The following RPA3 variants were observed in gnomAD, a reference collection of about 807,000 sequenced individuals.
RPA3 encodes replication protein A 14 kDa subunit.
Under a neutral mutation model 13.7 loss-of-function variants are expected in RPA3, and 24 were observed. The ratio of observed to expected loss-of-function variants is 1.75; its 90% CI spans 1.27 to 2.46. RPA3 has a LOEUF of 2.46. RPA3 is among the 30% of genes most tolerant of loss of function. RPA3 has a pLI of 0.00. For missense variants in RPA3, 183 were observed against 151.0 expected, an observed-to-expected ratio of 1.21 and a Z score of -1.11; for synonymous variants, 59 against 51.2, an observed-to-expected ratio of 1.15 and a Z score of -0.65.
chr7:7,677,883 C>T (rs896174140), intron 4 of RPA3, among the ~76,000 whole-genome samples: 3 of 151,284 alleles, frequency 2.0e-5, no homozygotes, highest in Admixed American at 6.6e-5. Flanking sequence ...CCGTTTTAGC[C>T]GGGATGGTCT....
intron 4 of RPA3, among the ~76,000 whole-genome samples, chr7:7,650,304 AC>A (rs1203511469): frequency 2.6e-5 from 4 of 152,136 alleles, no homozygotes; most frequent in African/African-American, 9.7e-5. Flanking sequence ...TAATATTTTT[AC>A]AGCTTCATCA....
chr7:7,674,098 T>C (rs909919093), intron 4 of RPA3, among the ~76,000 whole-genome samples: 1 of 152,220 alleles, frequency 6.6e-6, no homozygotes, highest in Non-Finnish European at 1.5e-5. Flanking sequence ...AGAAATTCTC[T>C]TTCCAAAGTA....
intron 4 of RPA3, among the ~76,000 whole-genome samples, chr7:7,665,259 A>G (rs1779413541): frequency 6.6e-6 from 1 of 152,182 alleles, no homozygotes. Flanking sequence ...GTGCTCTCCT[A>G]CCTCTATTCT....
chr7:7,717,433 G>A (rs927183910), intron 1 of RPA3, among the ~76,000 whole-genome samples: 3 of 152,150 alleles, frequency 2.0e-5, no homozygotes, highest in Non-Finnish European at 2.9e-5. Flanking sequence ...TTTCTTTGGC[G>A]TGAGACGATA....
chr7:7,676,254 C>G, intron 4 of RPA3: 1 of 398,250 alleles, frequency 2.5e-6, no homozygotes, highest in Middle Eastern at 6.3e-4. Context: ...AGGAAATGAG[C>G]ACGATATCGG....
chr7:7,659,426 T>C (rs1361923733), intron 4 of RPA3, among the ~76,000 whole-genome samples: 1 of 152,218 alleles, frequency 6.6e-6, no homozygotes, highest in Non-Finnish European at 1.5e-5. Flanking sequence ...TTTCCCACTT[T>C]CTCTTGTTGG....
intron 2 of RPA3, among the ~76,000 whole-genome samples, chr7:7,699,606 G>T (rs1780407653): frequency 6.6e-6 from 1 of 152,176 alleles, no homozygotes. Context: ...CTTGGAAATA[G>T]ATTTAGTTCT....
At chr7:7,673,768 G>A (rs1413128326) in intron 4 of RPA3, among the ~76,000 whole-genome samples, 2 of 150,636 alleles carry the variant, frequency 1.3e-5, no homozygotes, top group African/African-American at 4.9e-5. Flanking sequence ...ATGAATTCAA[G>A]TTCTGTCTTA....
intron 2 of RPA3, among the ~76,000 whole-genome samples, chr7:7,708,671 C>T (rs545741241): frequency 5.3e-5 from 8 of 152,230 alleles, no homozygotes; most frequent in African/African-American, 1.9e-4. Flanking sequence ...CCTACTACTT[C>T]GTTTTGGCCA....
At chr7:7,652,460 C>T (rs145095066) in intron 4 of RPA3, among the ~76,000 whole-genome samples, 2 of 152,284 alleles carry the variant, frequency 1.3e-5, no homozygotes, top group East Asian at 3.9e-4. Flanking sequence ...TGAAGCAAGT[C>T]ATTAGACAGC....
intron 4 of RPA3, among the ~76,000 whole-genome samples, chr7:7,663,023 C>A (rs1432087476): frequency 6.6e-6 from 1 of 151,796 alleles, no homozygotes; most frequent in African/African-American, 2.4e-5. Context: ...GCCTTTTTTG[C>A]CTGTAGCCCA....
intron 4 of RPA3, among the ~76,000 whole-genome samples, chr7:7,669,175 A>G (rs553783407): frequency 6.6e-6 from 1 of 152,182 alleles, no homozygotes; most frequent in South Asian, 2.1e-4. Flanking sequence ...TATAGGGTTT[A>G]GTACTATTGT....
At chr7:7,654,698 T>C (rs2115079858) in intron 4 of RPA3, among the ~76,000 whole-genome samples, 1 of 152,090 alleles carries the variant, frequency 6.6e-6, no homozygotes, top group African/African-American at 2.4e-5. Context: ...AGGCTAGGAG[T>C]TCGAGACCAG....
chr7:7,708,142 C>T (rs1780652751), intron 2 of RPA3, among the ~76,000 whole-genome samples: 1 of 152,200 alleles, frequency 6.6e-6, no homozygotes, highest in Non-Finnish European at 1.5e-5. Context: ...TCTGCTGCGA[C>T]ATCCACGCCA....
In RPA3 at chr7:7,664,458, A is replaced by G. The variant is rs1303146489; in HGVS notation, c.-758+21372T>C. Among the ~76,000 whole-genome samples the G allele has an allele frequency of 3.3e-5, 5 of 152,178 alleles. No individual in the cohort carries two copies. In the East Asian group the frequency reaches 9.6e-4, roughly 29 times the overall value. On this transcript the variant is annotated intron_variant, in intron 4 of 7. Coordinates refer to ENST00000223129, the MANE Select transcript of RPA3 (RefSeq NM_002947.5). ...GTTTTGCCACTCTGAATATGCTGAC[A>G]CTTTCCTGACGCTTACAACTCTTCA...
chr7:7,663,660 A>G (rs988668737), intron 4 of RPA3, among the ~76,000 whole-genome samples: 12 of 152,226 alleles, frequency 7.9e-5, no homozygotes, highest in African/African-American at 2.9e-4. Flanking sequence ...AACTAGTGAG[A>G]TACTGCAACT....
chr7:7,679,821 T>A (rs187569251), intron 4 of RPA3, among the ~76,000 whole-genome samples: 1 of 151,260 alleles, frequency 6.6e-6, no homozygotes, highest in East Asian at 1.9e-4. Flanking sequence ...TGCCTCTGCC[T>A]CCCAAAGTGC....
Position 7,687,269 on chromosome 7 carries a change from A to G in RPA3, c.-968T>C, listed in dbSNP as rs1475712806. ...TCCTTTTGTGTGAAATGTTAATGATATCATGGTGTCTTCATTACATTGTTG... is the reference window on the plus strand; with the variant it reads ...TCCTTTTGTGTGAAATGTTAATGATGTCATGGTGTCTTCATTACATTGTTG... On this transcript the variant is annotated 5_prime_UTR_variant, in exon 3 of 8. Transcript: ENST00000223129. 1 of 152,198 alleles carries G rather than the reference A, an allele frequency of 6.6e-6. No individual in the cohort carries two copies. Among genetic ancestry groups the G allele is most frequent in the African/African-American group, 2.4e-5 (1 of 41,440 alleles). 9.4% of individuals were successfully genotyped at this position (152,198 alleles called of 1,614,324 possible).
intron 4 of RPA3, among the ~76,000 whole-genome samples, chr7:7,666,871 TC>T (rs1254660000): frequency 6.6e-6 from 1 of 152,040 alleles, no homozygotes; most frequent in East Asian, 1.9e-4. Flanking sequence ...AATGGTGGGG[TC>T]TCAGCTCACT....
Sources: allele counts gnomAD v4.1 joint callset (sites outside exome capture counted in the v4.1 genomes callset), GRCh38; gene constraint gnomAD v4.1.1; transcripts MANE v1.5; gene names NCBI Gene and HGNC (gene_info 2026-07-23, HGNC 2026-07-21).